The following DNAH7 variants were observed in gnomAD, a reference collection of about 807,000 sequenced individuals.
DNAH7 encodes the protein axonemal beta dynein heavy chain 7.
DNAH7 carries 397 observed loss-of-function variants against 444.6 expected under a neutral mutation model. The ratio of observed to expected loss-of-function variants is 0.89; its 90% CI spans 0.82 to 0.97. The LOEUF (loss-of-function observed/expected upper bound fraction) is 0.97. Ranked by LOEUF, DNAH7 falls within the 50% of genes least tolerant of loss-of-function variation. DNAH7 has a pLI of 0.00. For synonymous variants in DNAH7, 1,636 were observed against 1,624.4 expected (o/e 1.01, Z -0.17); for missense variants, 4,902 against 4,800.8 (o/e 1.02, Z -0.62).
chr2:195,928,586 C>T (rs533674464), intron 21 of DNAH7, among the ~76,000 whole-genome samples: 2 of 152,178 alleles, frequency 1.3e-5, no homozygotes, highest in East Asian at 3.9e-4. Flanking sequence ...CAGACATGGG[C>T]CGTTATCACA....
intron 1 of DNAH7, among the ~76,000 whole-genome samples, chr2:196,064,435 T>C (rs994614218): frequency 6.6e-6 from 1 of 152,060 alleles, no homozygotes; most frequent in African/African-American, 2.4e-5. Flanking sequence ...ATTTATCTGT[T>C]TCCTGTACCA....
chr2:195,740,599 G>A (rs1423128969), intron 64 of DNAH7, among the ~76,000 whole-genome samples, 167 bp downstream of exon 64: 3 of 34,868 alleles, frequency 8.6e-5, no homozygotes, highest in African/African-American at 6.4e-4. Flanking sequence ...GTGTGTGTGT[G>A]TGTGTGTGTG....
At chr2:195,934,813 A>G (rs755605134) in intron 20 of DNAH7, 24 bp from the exon 21 acceptor site, 7 of 1,611,978 alleles carry the variant, frequency 4.3e-6, no homozygotes, top group Non-Finnish European at 5.1e-6. Context: ...CATTTTTAAG[A>G]TAATTAACCA....
rs556967347 is a variant in DNAH7, at chr2:195,938,715, A to C, written c.3079-1923T>G. On this transcript the variant is annotated intron_variant, in intron 19 of 64. Transcript: ENST00000312428. ...CAAACCATGGAAAGAGCATTCAGGT[A>C]AACTTTTTTTATTATTGAATTTCCA... is the stretch of plus-strand genomic sequence containing the variant. Among the ~76,000 whole-genome samples the C allele has an allele frequency of 1.1e-4, 17 of 152,304 alleles. 1 individual carries two copies. In the South Asian group the frequency reaches 3.5e-3, roughly 32 times the overall value.
In DNAH7 at chr2:195,799,894, G is replaced by T. The variant is rs945712549; in HGVS notation, c.10177-422C>A. On this transcript the variant is annotated intron_variant, in intron 54 of 64. Coordinates refer to ENST00000312428, the MANE Select transcript of DNAH7 (RefSeq NM_018897.3). ...TGATGTCACTGTGGAAAAGAAGAAG[G>T]AAAGGAAGAGCTCTATTCAAGAGAA... is the stretch of plus-strand genomic sequence containing the variant. 2.6e-5 allele frequency among the ~76,000 whole-genome samples: 4 copies of T among 152,272 alleles called. No homozygotes were observed. The East Asian group carries it at 7.7e-4, about 29-fold the overall frequency.
At chr2:195,746,612 C>G (rs1693425046) in intron 63 of DNAH7, among the ~76,000 whole-genome samples, 1 of 152,232 alleles carries the variant, frequency 6.6e-6, no homozygotes, top group East Asian at 1.9e-4. Flanking sequence ...CTGTCCTCAG[C>G]AAATGTAAAA....
chr2:195,803,251 G>A (rs1461439814), intron 54 of DNAH7, among the ~76,000 whole-genome samples: 2 of 152,206 alleles, frequency 1.3e-5, no homozygotes, highest in Non-Finnish European at 2.9e-5. Flanking sequence ...TTAAGTGCAT[G>A]GTTTTACTTG....
intron 43 of DNAH7, 97 bp downstream of exon 43, chr2:195,858,377 C>A: frequency 5.0e-6 from 5 of 1,005,744 alleles, no homozygotes; most frequent in Non-Finnish European, 6.7e-6. Flanking sequence ...AAATTTCAGG[C>A]TAATTCGGAG....
intron 19 of DNAH7, among the ~76,000 whole-genome samples, chr2:195,948,898 C>T (rs541083305): frequency 6.6e-6 from 1 of 152,212 alleles, no homozygotes; most frequent in East Asian, 1.9e-4. Flanking sequence ...TGGCCATTTT[C>T]ACGATACTGA....
intron 12 of DNAH7, among the ~76,000 whole-genome samples, chr2:195,997,955 G>A (rs935977145): frequency 2.6e-5 from 4 of 152,102 alleles, no homozygotes; most frequent in South Asian, 2.1e-4. Flanking sequence ...TGGATCGTTC[G>A]TATACCAAAC....
chr2:195,873,583 CAAGTT>C lies in DNAH7; in HGVS notation c.6393_6397del (p.Thr2132AlafsTer7). On this transcript the variant is annotated frameshift_variant, in exon 39 of 65. Coordinates refer to ENST00000312428, the MANE Select transcript of DNAH7 (RefSeq NM_018897.3). LOFTEE classifies it high-confidence loss of function. ...GATTACTTACCAGATTTCTAAATGC[CAAGTT>C]AAGATTCTAGAGAAGATTGTATACA... is the stretch of plus-strand genomic sequence containing the variant. The C allele has an allele frequency of 7.3e-7, 1 of 1,375,846 alleles. No individual in the cohort carries two copies. Among genetic ancestry groups the C allele is most frequent in the South Asian group, 1.9e-5 (1 of 53,238 alleles). 85.2% of individuals were successfully genotyped at this position (1,375,846 alleles called of 1,614,324 possible).
chr2:195,971,645 G>T (rs1044114373), intron 16 of DNAH7, among the ~76,000 whole-genome samples: 1 of 152,108 alleles, frequency 6.6e-6, no homozygotes, highest in African/African-American at 2.4e-5. Flanking sequence ...AAGCATAGGA[G>T]AGCAGACATC....
intron 5 of DNAH7, among the ~76,000 whole-genome samples, chr2:196,033,033 A>C (rs1300360445): frequency 6.6e-6 from 1 of 152,224 alleles, no homozygotes; most frequent in East Asian, 1.9e-4. Flanking sequence ...ACACAGAAAA[A>C]GCATTTAACA....
At chr2:196,042,337 G>A (rs1332562381) in intron 5 of DNAH7, among the ~76,000 whole-genome samples, 9 of 151,832 alleles carry the variant, frequency 5.9e-5, no homozygotes, top group African/African-American at 1.5e-4. Flanking sequence ...CAATTACCCC[G>A]ATTTGATTGT....
intron 40 of DNAH7, among the ~76,000 whole-genome samples, chr2:195,868,352 G>A (rs547836508): frequency 4.0e-5 from 6 of 151,800 alleles, no homozygotes; most frequent in African/African-American, 1.4e-4. Context: ...CCAAAGTGCT[G>A]GGATTACAGG....
chr2:195,998,872 C>T (rs1199025301), intron 12 of DNAH7: 7 of 445,038 alleles, frequency 1.6e-5, no homozygotes, highest in African/African-American at 9.9e-5. Context: ...TCTTTTATAA[C>T]GTATAGCTAA....
chr2:195,933,640 A>G (rs1688849095), intron 21 of DNAH7, among the ~76,000 whole-genome samples: 1 of 151,828 alleles, frequency 6.6e-6, no homozygotes, highest in Non-Finnish European at 1.5e-5. Flanking sequence ...TCAGCAAACT[A>G]ACACAAAGAC....
chr2:195,990,745 T>C (rs1693245518), intron 12 of DNAH7, among the ~76,000 whole-genome samples: 1 of 150,014 alleles, frequency 6.7e-6, no homozygotes, highest in African/African-American at 2.4e-5. Flanking sequence ...TTTATGCCAG[T>C]ACCATGATGT....
intron 8 of DNAH7, among the ~76,000 whole-genome samples, chr2:196,020,573 T>C (rs896350142): frequency 1.3e-5 from 2 of 151,226 alleles, no homozygotes; most frequent in African/African-American, 2.4e-5. Context: ...TAACTTTTTT[T>C]GTGTGTGTGT....
Sources: gnomAD v4.1 joint callset for allele counts (sites outside exome capture counted in the v4.1 genomes callset) on GRCh38, gnomAD v4.1.1 for gene constraint, MANE v1.5 for transcripts, NCBI Gene and HGNC (gene_info 2026-07-23, HGNC 2026-07-21) for gene names.